CHD1: variants seen among roughly 807,000 people sequenced by gnomAD.
The protein encoded by CHD1 is chromodomain helicase DNA binding protein 1.
CHD1 carries 36 observed loss-of-function variants against 224.2 expected under a neutral mutation model. The observed-to-expected ratio is 0.16, with a 90% CI of 0.12 to 0.21. CHD1 has a LOEUF of 0.21. CHD1 is among the 10% of genes least tolerant of loss of function. CHD1 has a pLI of 1.00. For missense variants in CHD1, 1,378 were observed against 1,994.8 expected, an observed-to-expected ratio of 0.69 and a Z score of 5.89; for synonymous variants, 668 against 658.3, an observed-to-expected ratio of 1.01 and a Z score of -0.23.
rs1379538658 is a variant in CHD1, at chr5:98,856,722, A to G, written c.4791T>C (p.Tyr1597=). ...TTCTGTGTTTCTCTCTGTCACTGTA[A>G]TATCTAATAAAGAAAAATTGAGAAT... ...DWDHYKQDSR[Y]YSDREKHRKL... The change falls in exon 36 of 36, where the codon TAT becomes TAC. Residue 1597 remains tyrosine (Y), a synonymous_variant. Coordinates refer to ENST00000614616, the MANE Select transcript of CHD1 (RefSeq NM_001270.4). The G allele has an allele frequency of 3.2e-6, 5 of 1,555,956 alleles. No individual in the cohort carries two copies. The South Asian group carries it at 5.8e-5, about 18-fold the overall frequency.
At chr5:98,862,384 T>A (rs1346559874) in intron 32 of CHD1, among the ~76,000 whole-genome samples, 1 of 152,064 alleles carries the variant, frequency 6.6e-6, no homozygotes. Flanking sequence ...AAAAGTGAGG[T>A]GAGAGCACAG....
In CHD1 at chr5:98,872,189, T is replaced by C. The variant is rs149953621; in HGVS notation, c.3723A>G (p.Pro1241=). The C allele has an allele frequency of 8.1e-4, 1,303 of 1,612,006 alleles. No homozygotes were observed. Among genetic ancestry groups the C allele is most frequent in the Admixed American group, 1.1e-3 (68 of 59,570 alleles). ...DPEERKQYTI[P]CHTKAAHFDI... is the part of the protein sequence containing the mutation. ...CAAAATGAGCTGCCTTTGTGTGGCA[T>C]GGGATAGTATACCTGGCATCAAAGT... The change falls in exon 28 of 36, where the codon CCA becomes CCG. Residue 1241 remains proline, a synonymous_variant. Transcript: ENST00000614616.
Position 98,899,705 on chromosome 5 carries a change from G to C in CHD1, c.860C>G (p.Ala287Gly). The C allele has an allele frequency of 6.2e-7, 1 of 1,605,938 alleles. No homozygotes were observed. Among genetic ancestry groups the C allele is most frequent in the Non-Finnish European group, 8.5e-7 (1 of 1,174,804 alleles). ...ATAGATGGTTGTAGTAGCACCAGTA[G>C]CTGAAAACAAAAGCACAAGATCCTT... Reference protein sequence around the residue: ...FMDCRIGRKGATGATTTIYAV... With the variant: ...FMDCRIGRKGGTGATTTIYAV... Residue 287 changes from alanine to glycine, a missense_variant and splice_region_variant, in exon 8 of 36, where the codon GCT becomes GGT. By Grantham distance (60) the Ala-to-Gly change is moderately conservative. Coordinates refer to ENST00000614616, the MANE Select transcript of CHD1 (RefSeq NM_001270.4).
Position 98,879,731 on chromosome 5 carries a change from G to A in CHD1, c.3061-3C>T. 6.4e-7 allele frequency: 1 copy of A among 1,570,232 alleles called. No individual in the cohort carries two copies. Among genetic ancestry groups the A allele is most frequent in the East Asian group, 2.3e-5 (1 of 44,386 alleles). On this transcript the variant is annotated splice_region_variant and splice_polypyrimidine_tract_variant and intron_variant, in intron 22 of 35. Coordinates refer to ENST00000614616, the MANE Select transcript of CHD1 (RefSeq NM_001270.4). ...TCCATATTTGAGAAGTTGGCAACCT[G>A]ATAAATTTCAGAATTTTAAGAGTAA...
In CHD1 at chr5:98,858,949, G is replaced by T; in HGVS notation, c.4576+15C>A. On this transcript the variant is annotated intron_variant, in intron 34 of 35. Transcript: ENST00000614616. ...TTTTTTTAATTTATTTTCCCAATCA[G>T]TAAGGCTTACATACCTGGATTTCTA... 1 of 1,497,980 alleles carries T rather than the reference G, an allele frequency of 6.7e-7. No homozygotes were observed. The allele number at this position is 1,497,980 out of a possible 1,614,324, so 92.8% of individuals were successfully genotyped here.
chr5:98,861,771 G>A (rs1445297164), intron 32 of CHD1, among the ~76,000 whole-genome samples: 2 of 151,728 alleles, frequency 1.3e-5, no homozygotes, highest in East Asian at 3.9e-4. Flanking sequence ...CAACGTGCTG[G>A]GATTATAGGC....
intron 14 of CHD1, among the ~76,000 whole-genome samples, 176 bp from the exon 15 acceptor site, chr5:98,892,889 G>A (rs1354314120): frequency 7.2e-5 from 11 of 152,004 alleles, no homozygotes; most frequent in Admixed American, 1.3e-4. Context: ...GATGCATGAT[G>A]AAATATAATT....
At chr5:98,864,517 CAAAAAAAAAAAAAA>C (rs67061692) in intron 31 of CHD1, among the ~76,000 whole-genome samples, 6 of 58,136 alleles carry the variant, frequency 1.0e-4, no homozygotes, top group East Asian at 7.2e-4. Context: ...GATTCTATAC[CAAAAAAAAAAAAAA>C]AAAAAAAAAA....
intron 18 of CHD1, among the ~76,000 whole-genome samples, chr5:98,884,960 G>A (rs569544748): frequency 3.6e-4 from 54 of 151,608 alleles, no homozygotes; most frequent in Non-Finnish European, 7.5e-4. Flanking sequence ...TCAAACTCCT[G>A]GTCTGAAGCG....
intron 35 of CHD1, among the ~76,000 whole-genome samples, chr5:98,857,213 G>A (rs1450933706): frequency 1.3e-5 from 2 of 152,102 alleles, no homozygotes; most frequent in African/African-American, 2.4e-5. Flanking sequence ...TAGTTATATA[G>A]TAAGACTCGA....
chr5:98,893,993 A>T (rs1290329399), intron 13 of CHD1, among the ~76,000 whole-genome samples: 1 of 152,190 alleles, frequency 6.6e-6, no homozygotes, highest in Non-Finnish European at 1.5e-5. Flanking sequence ...TTCCAAGTGT[A>T]GGTACAATTC....
At chr5:98,882,945 C>T (rs149116069) in intron 19 of CHD1, 143 bp downstream of exon 19, 7 of 469,674 alleles carry the variant, frequency 1.5e-5, no homozygotes, top group Non-Finnish European at 2.1e-5. Context: ...TTTGGTAAAC[C>T]AAGCTCCTCA....
At chr5:98,857,889 C>G (rs186224139) in intron 35 of CHD1, among the ~76,000 whole-genome samples, 62 of 152,122 alleles carry the variant, frequency 4.1e-4, no homozygotes, top group African/African-American at 1.3e-3. Context: ...AGTATTTGAG[C>G]CAATATTCTT....
chr5:98,892,429 A>C (rs1751084101), intron 15 of CHD1, 96 bp downstream of exon 15: 1 of 777,522 alleles, frequency 1.3e-6, no homozygotes, highest in South Asian at 2.5e-5. Context: ...GCTCTAAGAC[A>C]CTATTGTAGA....
chr5:98,922,043 C>T (rs1753130617), intron 2 of CHD1, among the ~76,000 whole-genome samples: 1 of 152,082 alleles, frequency 6.6e-6, no homozygotes, highest in South Asian at 2.1e-4. Context: ...ATCCCAGCTA[C>T]TCAGGAGGCA....
At chr5:98,923,671 C>T (rs1753256552) in intron 2 of CHD1, among the ~76,000 whole-genome samples, 1 of 152,138 alleles carries the variant, frequency 6.6e-6, no homozygotes, top group African/African-American at 2.4e-5. Context: ...GCTCGGCCTC[C>T]CAAAGTGCTG....
intron 14 of CHD1, 133 bp downstream of exon 14, chr5:98,893,283 T>C: frequency 5.5e-6 from 3 of 548,910 alleles, no homozygotes; most frequent in Non-Finnish European, 9.2e-6. Context: ...CATTTTCCTT[T>C]TTAAAAAATT....
chr5:98,855,668 ATTTT>A lies in CHD1; in HGVS notation c.*708_*711del, dbSNP rs34796114. ...ATCATTAAAAAGTGTTATTACACTG[ATTTT>A]TTTTTTTTTAATAAGAAGGCCTGAG... On this transcript the variant is annotated 3_prime_UTR_variant, in exon 36 of 36. Coordinates refer to ENST00000614616, the MANE Select transcript of CHD1 (RefSeq NM_001270.4). The A allele has an allele frequency of 6.9e-6, 1 of 145,756 alleles. No homozygotes were observed. The highest frequency in any genetic ancestry group is 1.5e-5 in the Non-Finnish European group (1 of 65,910). 9.0% of individuals were successfully genotyped at this position (145,756 alleles called of 1,614,324 possible).
intron 30 of CHD1, chr5:98,869,114 T>A: frequency 1.1e-6 from 1 of 932,178 alleles, no homozygotes; most frequent in Non-Finnish European, 1.3e-6. Flanking sequence ...CTTATCCTCT[T>A]TTTCTTTTAT....
Sources: gnomAD v4.1 joint callset for allele counts (sites outside exome capture counted in the v4.1 genomes callset) on GRCh38, gnomAD v4.1.1 for gene constraint, MANE v1.5 for transcripts, NCBI Gene and HGNC (gene_info 2026-07-23, HGNC 2026-07-21) for gene names.